Variants in MFRP observed in about 807,000 individuals in gnomAD.
The protein encoded by MFRP is C1q and TNF related 5.
In MFRP, 74 loss-of-function variants were observed where a neutral mutation model predicts 65.8. The ratio of observed to expected loss-of-function variants is 1.12; its 90% CI spans 0.93 to 1.36. The LOEUF (loss-of-function observed/expected upper bound fraction) is 1.36. Among genes scored for constraint, MFRP ranks in the 40% most tolerant of loss-of-function variants. The pLI is 0.00. For missense variants in MFRP, 838 were observed against 736.0 expected (o/e 1.14, Z -1.60); for synonymous variants, 336 against 288.3 (o/e 1.17, Z -1.68).
chr11:119,341,662 G>A lies in MFRP; in HGVS notation c.1626C>T (p.Cys542=), dbSNP rs764371749. The A allele has an allele frequency of 4.3e-6, 7 of 1,613,036 alleles. No individual in the cohort carries two copies. The highest frequency in any genetic ancestry group is 1.7e-6 in the Non-Finnish European group (2 of 1,180,020). ...GSVLPPCRSV[C]QEAEHQCQSG... ...ACTGGCACTGGTGCTCCGCTTCCTG[G>A]CAGACAGAGCGGCAAGGGGGCAGAA... The change falls in exon 13 of 15, where the codon TGC becomes TGT. Residue 542 remains cysteine, a synonymous_variant. Coordinates refer to ENST00000619721, the MANE Select transcript of MFRP (RefSeq NM_031433.4).
intron 14 of MFRP, 82 bp downstream of exon 14, chr11:119,340,091 GGCGGGAGACCC>G: frequency 7.2e-7 from 1 of 1,396,506 alleles, no homozygotes; most frequent in Non-Finnish European, 9.4e-7. Context: ...GGCGCCCCCT[GGCGGGAGACCC>G]GAGTCCCGGA....
At position 119,340,165 on chromosome 11, in the gene MFRP, C is replaced by CTA; in HGVS notation, c.*1110+18_*1110+19insTA. 1 of 1,509,108 alleles carries CTA rather than the reference C, an allele frequency of 6.6e-7. No individual in the cohort carries two copies. The highest frequency in any genetic ancestry group is 1.3e-5 in the South Asian group (1 of 79,894). 93.5% of individuals were successfully genotyped at this position (1,509,108 alleles called of 1,614,324 possible). A position where few individuals can be genotyped will look rare whatever the true frequency, so the allele number is the denominator to read the frequency against. On this transcript the variant is annotated intron_variant, in intron 14 of 14. Coordinates refer to ENST00000619721, the MANE Select transcript of MFRP (RefSeq NM_031433.4). ...CTGCTCGGACATCGCCACCGATAGC[C>CTA]GCGGCGGTGCCTTCTTACCCGGCCT...
Position 119,340,455 on chromosome 11 carries a change from G to A in MFRP, c.*854-15C>T. ...CCTCTCGCAGTCTGTGGACCAGGCA[G>A]GACTGGAGTCGGGACCCAGAATCCT... On this transcript the variant is annotated splice_polypyrimidine_tract_variant and intron_variant, in intron 13 of 14. Coordinates refer to ENST00000619721, the MANE Select transcript of MFRP (RefSeq NM_031433.4). 6.6e-7 allele frequency: 1 copy of A among 1,510,682 alleles called. No individual in the cohort carries two copies. The highest frequency in any genetic ancestry group is 8.9e-7 in the Non-Finnish European group (1 of 1,123,852). 93.6% of individuals were successfully genotyped at this position (1,510,682 alleles called of 1,614,324 possible).
chr11:119,339,679 C>G lies in MFRP; in HGVS notation c.*1280G>C. On this transcript the variant is annotated 3_prime_UTR_variant, in exon 15 of 15. Coordinates refer to ENST00000619721, the MANE Select transcript of MFRP (RefSeq NM_031433.4). This position sits in a 1 kb window ranked among gnomAD's most constrained non-coding sequence, Gnocchi z 5.4. ...CGTAATGTCCCTGCTCGTTCACCAGCACGCGGTCGAAGGGCAAGGGTGCGT... is the reference window on the plus strand; with the variant it reads ...CGTAATGTCCCTGCTCGTTCACCAGGACGCGGTCGAAGGGCAAGGGTGCGT... The G allele has an allele frequency of 3.7e-6, 6 of 1,610,674 alleles. No homozygotes were observed. The highest frequency in any genetic ancestry group is 5.1e-6 in the Non-Finnish European group (6 of 1,179,886).
Position 119,341,890 on chromosome 11 carries a change from C to G in MFRP, c.1482G>C (p.Gln494His). 6.2e-7 allele frequency: 1 copy of G among 1,614,056 alleles called. No homozygotes were observed. Among genetic ancestry groups the G allele is most frequent in the South Asian group, 1.1e-5 (1 of 91,086 alleles). Reference sequence around the variant, plus strand: ...CGCTGAGGACCTCTACCACCTCCTCCTGGGTGATCATGCCCACCCAGATGT... The same window carrying G: ...CGCTGAGGACCTCTACCACCTCCTCGTGGGTGATCATGCCCACCCAGATGT... ...FPNIWVGMIT[Q>H]EEVVEVLSGY... is the part of the protein sequence containing the mutation. The change falls in exon 12 of 15, where the codon CAG becomes CAC. Residue 494 changes from glutamine (Q) to histidine (H), a missense_variant. By Grantham distance (24) the Gln-to-His change is conservative. Transcript: ENST00000619721.
At chr11:119,345,399 C>A in intron 5 of MFRP, 21 bp downstream of exon 5, 1 of 1,612,026 alleles carries the variant, frequency 6.2e-7, no homozygotes, top group Non-Finnish European at 8.5e-7. Context: ...GGTGGGATGT[C>A]CTGGGGACAG....
chr11:119,339,088 C>T lies in MFRP; in HGVS notation c.*1871G>A. 1 of 506,622 alleles carries T rather than the reference C, an allele frequency of 2.0e-6. No homozygotes were observed. Among genetic ancestry groups the T allele is most frequent in the Non-Finnish European group, 3.5e-6 (1 of 287,536 alleles). The allele number at this position is 506,622 out of a possible 1,614,324, so 31.4% of individuals were successfully genotyped here. A position where few individuals can be genotyped will look rare whatever the true frequency, so the allele number is the denominator to read the frequency against. The stretch of plus-strand genomic sequence containing the variant: ...GACCAGAGCAACTGGGGGACTTACA[C>T]TTGCCAGCACAGCACACTCCTCTGG... On this transcript the variant is annotated 3_prime_UTR_variant, in exon 15 of 15. Transcript: ENST00000619721. The surrounding 1 kb of genome is among the most constrained non-coding windows in gnomAD (Gnocchi z 5.4).
chr11:119,345,250 G>A (rs1220262275), intron 5 of MFRP, among the ~76,000 whole-genome samples, 170 bp downstream of exon 5: 1 of 152,206 alleles, frequency 6.6e-6, no homozygotes, highest in East Asian at 1.9e-4. Context: ...GGTGAGAGAG[G>A]GGAAGTGATC....
At position 119,339,482 on chromosome 11, in the gene MFRP, C is replaced by A. The variant is rs945456363; in HGVS notation, c.*1477G>T. On this transcript the variant is annotated 3_prime_UTR_variant, in exon 15 of 15. Coordinates refer to ENST00000619721, the MANE Select transcript of MFRP (RefSeq NM_031433.4). The surrounding 1 kb of genome is among the most constrained non-coding windows in gnomAD (Gnocchi z 5.4). ...CTCAGGCTCCAGCCTCACCATGGCC[C>A]CCCCCGAGAGCGAGGCTGGCTTGGG... 6.2e-7 allele frequency: 1 copy of A among 1,613,494 alleles called. No individual in the cohort carries two copies. The highest frequency in any genetic ancestry group is 1.7e-5 in the Admixed American group (1 of 59,970).
chr11:119,344,756 C>A lies in MFRP; in HGVS notation c.774G>T (p.Gly258=), dbSNP rs752779646. 1.2e-6 allele frequency: 2 copies of A among 1,613,942 alleles called. No homozygotes were observed. The highest frequency in any genetic ancestry group is 1.7e-5 in the Admixed American group (1 of 60,030). ...AGCGGAACTCATCATGGGCACAGCT[C>A]CCTGGATGTGGGCACCAGGAGTCAG... ...AWYQAMAPGR[G]SCAHDEFRCD... is the part of the protein sequence containing the mutation. Residue 258 remains glycine (G), a splice_region_variant and synonymous_variant, in exon 7 of 15, where the codon GGG becomes GGT. Transcript: ENST00000619721.
At chr11:119,344,104 AT>A in intron 8 of MFRP, 140 bp from the exon 9 acceptor site, 1 of 1,185,366 alleles carries the variant, frequency 8.4e-7, no homozygotes, top group Non-Finnish European at 1.2e-6. Flanking sequence ...AGGACCTTTA[AT>A]TTACCTGGTT....
chr11:119,345,374 A>G (rs1950551698), intron 5 of MFRP, 46 bp downstream of exon 5: 2 of 1,575,828 alleles, frequency 1.3e-6, no homozygotes, highest in East Asian at 4.5e-5. Flanking sequence ...CTCTTTAGAT[A>G]GTGGTTCAGG....
At position 119,344,328 on chromosome 11, in the gene MFRP, T is replaced by C; in HGVS notation, c.962A>G (p.Tyr321Cys). ...TFSTPSYLQQ[Y>C]PHQLLCTWHI... is the part of the protein sequence containing the mutation. ...CACTGTGCTTACCAGTTGGTGAGGG[T>C]ACTGCTGCAGGTAGCTGGGAGTAGA... The change falls in exon 8 of 15, where the codon TAC becomes TGC. Residue 321 changes from tyrosine (Y) to cysteine (C), a missense_variant. Transcript: ENST00000619721. 3 of 1,613,892 alleles carry C rather than the reference T, an allele frequency of 1.9e-6. No individual in the cohort carries two copies. The highest frequency in any genetic ancestry group is 2.5e-6 in the Non-Finnish European group (3 of 1,179,954).
chr11:119,344,912 C>G lies in MFRP; in HGVS notation c.734G>C (p.Gly245Ala). The change falls in exon 6 of 15, where the codon GGT becomes GCT. Residue 245 changes from glycine (G) to alanine (A), a missense_variant. Coordinates refer to ENST00000619721, the MANE Select transcript of MFRP (RefSeq NM_031433.4). The stretch of plus-strand genomic sequence containing the variant: ...CATAGCCTGGTACCAGGCATGGAAA[C>G]CAAATCCTTCCACACTGCTGTCAGA... ...FVSDSSVEGF[G>A]FHAWYQAMAP... 6.2e-7 allele frequency: 1 copy of G among 1,612,206 alleles called. No homozygotes were observed.
In MFRP at chr11:119,346,137, C is replaced by G; in HGVS notation, c.180G>C (p.Arg60=). The G allele has an allele frequency of 6.3e-7, 1 of 1,599,366 alleles. No individual in the cohort carries two copies. The highest frequency in any genetic ancestry group is 8.5e-7 in the Non-Finnish European group (1 of 1,172,754). The part of the protein sequence containing the change: ...PWHGRRPRGL[R]PDCRFSWLCV... ...AGAGCCAGGAGAAGCGGCAGTCTGG[C>G]CGTAGCCCTCGAGGACGCCGACCTG... is the stretch of plus-strand genomic sequence containing the variant. The change falls in exon 3 of 15, where the codon CGG becomes CGC. Residue 60 remains arginine (R), a synonymous_variant. Coordinates refer to ENST00000619721, the MANE Select transcript of MFRP (RefSeq NM_031433.4).
At chr11:119,345,119 G>A in intron 5 of MFRP, 115 bp from the exon 6 acceptor site, 1 of 1,382,416 alleles carries the variant, frequency 7.2e-7, no homozygotes, top group Non-Finnish European at 9.9e-7. Flanking sequence ...TGACCATGTG[G>A]TCAAAAAGGC....
rs558132871 is a variant in MFRP at position 119,343,705 on chromosome 11, G to A, written c.1124+111C>T. On this transcript the variant is annotated intron_variant, in intron 9 of 14. Coordinates refer to ENST00000619721, the MANE Select transcript of MFRP (RefSeq NM_031433.4). ...ATGGTGAAGAGACCCCCGGCCTGGA[G>A]TAGCAGAAGAAAATGAAGCTGGAGA... The A allele has an allele frequency of 1.5e-4, 211 of 1,375,360 alleles. No homozygotes were observed. In the African/African-American group the frequency reaches 2.0e-3, roughly 13 times the overall value. 85.2% of individuals were successfully genotyped at this position (1,375,360 alleles called of 1,614,324 possible). A position where few individuals can be genotyped will look rare whatever the true frequency, so the allele number is the denominator to read the frequency against.
Position 119,342,885 on chromosome 11 carries a change from T to G in MFRP, c.1243A>C (p.Asn415His), listed in dbSNP as rs1300600677. ...CAGGGGCACCTACTCTCCGTGGCAT[T>G]GAAGGCCAGGTAGGTGGCTGAGAAG... ...GGFSATYLAFNATENPCGPSE... is the reference protein window; with the variant it reads ...GGFSATYLAFHATENPCGPSE... Residue 415 changes from asparagine (N) to histidine (H), a missense_variant, in exon 10 of 15, where the codon AAT (asparagine) becomes CAT (histidine). Physicochemically the swap from Asn to His is moderately conservative, Grantham distance 68. Coordinates refer to ENST00000619721, the MANE Select transcript of MFRP (RefSeq NM_031433.4). 2.5e-6 allele frequency: 4 copies of G among 1,613,070 alleles called. No homozygotes were observed. Among genetic ancestry groups the G allele is most frequent in the Non-Finnish European group, 2.5e-6 (3 of 1,179,928 alleles).
chr11:119,346,408 G>A lies in MFRP; in HGVS notation c.55-34C>T. Reference sequence around the variant, plus strand: ...GGGAGATACTTGAGGGCTGAGGGCAGCAGTGACCACTGGTGCTGGGTCTTA... The same window carrying A: ...GGGAGATACTTGAGGGCTGAGGGCAACAGTGACCACTGGTGCTGGGTCTTA... On this transcript the variant is annotated intron_variant, in intron 1 of 14. Coordinates refer to ENST00000619721, the MANE Select transcript of MFRP (RefSeq NM_031433.4). 4 of 1,608,402 alleles carry A rather than the reference G, an allele frequency of 2.5e-6. No individual in the cohort carries two copies. The South Asian group carries it at 3.3e-5, about 13-fold the overall frequency.
Sources: allele counts gnomAD v4.1 joint callset (sites outside exome capture counted in the v4.1 genomes callset), GRCh38; gene constraint gnomAD v4.1.1; non-coding constraint Gnocchi (gnomAD v3.1); transcripts MANE v1.5; gene names NCBI Gene and HGNC (gene_info 2026-07-23, HGNC 2026-07-21).